The following TMEM177 variants were observed in gnomAD, a reference collection of about 807,000 sequenced individuals.
TMEM177 encodes the protein transmembrane protein 177.
TMEM177 carries 4 observed loss-of-function variants against 14.2 expected under a neutral mutation model. The ratio of observed to expected loss-of-function variants is 0.28; its 90% CI spans 0.14 to 0.64. TMEM177 has a LOEUF of 0.64. Ranked by LOEUF, TMEM177 falls within the 30% of genes least tolerant of loss-of-function variation. The pLI is 0.82. For missense variants in TMEM177, 344 were observed against 405.2 expected, an observed-to-expected ratio of 0.85 and a Z score of 1.30; for synonymous variants, 179 against 174.5, an observed-to-expected ratio of 1.03 and a Z score of -0.20.
At chr2:119,716,518 C>T in the TMEM177 span, among the ~76,000 whole-genome samples, 2 of 152,142 alleles carry the variant, frequency 1.3e-5, no homozygotes, top group African/African-American at 4.8e-5. Context: ...CCCAAGAGCT[C>T]GTGTTTGCAA....
the TMEM177 span, among the ~76,000 whole-genome samples, chr2:119,694,664 T>C: frequency 1.3e-5 from 2 of 152,200 alleles, no homozygotes; most frequent in Admixed American, 1.3e-4. Context: ...GCAGGGTCAC[T>C]TCCCCGCGAA....
At chr2:119,719,760 G>C in the TMEM177 span, among the ~76,000 whole-genome samples, 1 of 152,082 alleles carries the variant, frequency 6.6e-6, no homozygotes, top group East Asian at 1.9e-4. Flanking sequence ...CAAAGTTTGA[G>C]GGGTGCCCAA....
the TMEM177 span, chr2:119,700,154 A>C: frequency 1.8e-5 from 4 of 218,268 alleles, no homozygotes; most frequent in South Asian, 3.3e-4. Flanking sequence ...TGGCTCTGGA[A>C]TAAATTCAGC....
chr2:119,715,789 C>A, the TMEM177 span, among the ~76,000 whole-genome samples: 1 of 152,326 alleles, frequency 6.6e-6, no homozygotes, highest in African/African-American at 2.4e-5. Flanking sequence ...ACCTGGTGCA[C>A]CCCATGTCTC....
chr2:119,701,428 G>T, the TMEM177 span, among the ~76,000 whole-genome samples: 21 of 152,300 alleles, frequency 1.4e-4, no homozygotes, highest in African/African-American at 4.6e-4. Flanking sequence ...TGGCAGGACC[G>T]CGAGTGGGTT....
chr2:119,710,711 G>A, the TMEM177 span, among the ~76,000 whole-genome samples: 5 of 151,698 alleles, frequency 3.3e-5, no homozygotes, highest in Non-Finnish European at 5.9e-5. Context: ...CCGGGTTCAC[G>A]CCTTTCTCCT....
the TMEM177 span, among the ~76,000 whole-genome samples, chr2:119,715,425 C>A: frequency 6.6e-6 from 1 of 152,058 alleles, no homozygotes; most frequent in Non-Finnish European, 1.5e-5. Flanking sequence ...CAGAGACAGA[C>A]GGAAGATTTC....
chr2:119,721,790 A>T, the TMEM177 span, among the ~76,000 whole-genome samples: 1 of 152,200 alleles, frequency 6.6e-6, no homozygotes, highest in African/African-American at 2.4e-5. Context: ...CTACTAGTCT[A>T]TTTCCAGCAA....
chr2:119,708,582 A>G, the TMEM177 span, among the ~76,000 whole-genome samples: 1 of 152,080 alleles, frequency 6.6e-6, no homozygotes, highest in Non-Finnish European at 1.5e-5. Flanking sequence ...TGCATTTGGT[A>G]GATATGTCTC....
chr2:119,712,904 T>G, the TMEM177 span, among the ~76,000 whole-genome samples: 2 of 152,154 alleles, frequency 1.3e-5, no homozygotes, highest in Admixed American at 1.3e-4. Context: ...AAAGCAAGAG[T>G]TAGCTTGTTG....
the TMEM177 span, among the ~76,000 whole-genome samples, chr2:119,706,296 G>C: frequency 6.6e-6 from 1 of 152,112 alleles, no homozygotes; most frequent in Non-Finnish European, 1.5e-5. Context: ...AAAGTGCTGG[G>C]ATTACAGGCG....
At chr2:119,711,303 A>C in the TMEM177 span, among the ~76,000 whole-genome samples, 2 of 152,236 alleles carry the variant, frequency 1.3e-5, no homozygotes, top group Non-Finnish European at 2.9e-5. Flanking sequence ...TGGAGAAAAA[A>C]TAGAATCATT....
the TMEM177 span, among the ~76,000 whole-genome samples, chr2:119,715,789 C>T: frequency 1.3e-5 from 2 of 152,326 alleles, no homozygotes; most frequent in East Asian, 3.9e-4. Context: ...ACCTGGTGCA[C>T]CCCATGTCTC....
At chr2:119,710,285 A>G in the TMEM177 span, among the ~76,000 whole-genome samples, 1 of 152,220 alleles carries the variant, frequency 6.6e-6, no homozygotes, top group Non-Finnish European at 1.5e-5. Flanking sequence ...CCCGGAGTTT[A>G]TAGGAGCAGT....
chr2:119,693,801 C>G, the TMEM177 span, among the ~76,000 whole-genome samples: 1 of 114,558 alleles, frequency 8.7e-6, no homozygotes, highest in East Asian at 2.8e-4. Flanking sequence ...AGAAGACACA[C>G]ATACACATCA....
chr2:119,691,930 C>T, the TMEM177 span, among the ~76,000 whole-genome samples: 61 of 152,356 alleles, frequency 4.0e-4, no homozygotes, highest in African/African-American at 1.5e-3. Flanking sequence ...GTCCTGACAC[C>T]TGATTGTCCT....
the TMEM177 span, among the ~76,000 whole-genome samples, chr2:119,699,338 AC>A: frequency 6.6e-6 from 1 of 152,204 alleles, no homozygotes. Flanking sequence ...GAATTCACTC[AC>A]TATCACAAGC....
At chr2:119,714,232 G>T in the TMEM177 span, among the ~76,000 whole-genome samples, 1 of 152,220 alleles carries the variant, frequency 6.6e-6, no homozygotes, top group Non-Finnish European at 1.5e-5. Flanking sequence ...TGCAAAAGGA[G>T]TTGGTCAAGA....
downstream of TMEM177, chr2:119,685,582 A>G: frequency 1.4e-6 from 1 of 709,504 alleles, no homozygotes; most frequent in Non-Finnish European, 2.6e-6. Flanking sequence ...ACACTGTGCT[A>G]GGTTTTTAGA....
Sources: allele counts gnomAD v4.1 joint callset (sites outside exome capture counted in the v4.1 genomes callset), GRCh38; gene constraint gnomAD v4.1.1; transcripts MANE v1.5; gene names NCBI Gene and HGNC (gene_info 2026-07-23, HGNC 2026-07-21).